Variants in CDH12 observed in about 807,000 individuals in gnomAD.
CDH12 encodes cadherin-12.
A neutral mutation model predicts 74.1 loss-of-function variants in CDH12; 41 were observed. The ratio of observed to expected loss-of-function variants is 0.55; its 90% CI spans 0.43 to 0.72. CDH12 has a LOEUF of 0.72. Ranked by LOEUF, CDH12 falls within the 30% of genes least tolerant of loss-of-function variation. CDH12 has a pLI of 0.00. For missense variants in CDH12, 945 were observed against 977.2 expected, an observed-to-expected ratio of 0.97 and a Z score of 0.44; for synonymous variants, 399 against 355.0, an observed-to-expected ratio of 1.12 and a Z score of -1.39.
chr5:21,874,619 T>C (rs1751830755), intron 6 of CDH12, among the ~76,000 whole-genome samples: 1 of 152,174 alleles, frequency 6.6e-6, no homozygotes, highest in Non-Finnish European at 1.5e-5. Context: ...GTTTTCACTC[T>C]ATTAAATCTT....
intron 4 of CDH12, among the ~76,000 whole-genome samples, chr5:22,120,372 C>T (rs1377896348): frequency 6.6e-6 from 1 of 152,014 alleles, no homozygotes; most frequent in Admixed American, 6.6e-5. Flanking sequence ...GAATAAAGGA[C>T]AAACATTATG....
intron 14 of CDH12, among the ~76,000 whole-genome samples, chr5:21,754,862 G>C (rs1339388871): frequency 3.9e-5 from 6 of 152,122 alleles, no homozygotes; most frequent in Admixed American, 3.9e-4. Flanking sequence ...AATAAATGGA[G>C]AAGCTGAACA....
chr5:21,947,987 T>A (rs1580003359), intron 6 of CDH12, among the ~76,000 whole-genome samples: 1 of 152,168 alleles, frequency 6.6e-6, no homozygotes, highest in African/African-American at 2.4e-5. Context: ...GAGGATTCCA[T>A]ATGATGTTGG....
chr5:22,841,325 C>A (rs1737071140), intron 1 of CDH12, among the ~76,000 whole-genome samples: 1 of 152,136 alleles, frequency 6.6e-6, no homozygotes, highest in South Asian at 2.1e-4. Flanking sequence ...GATTGAGAGA[C>A]TTCACCTTGA....
intron 1 of CDH12, among the ~76,000 whole-genome samples, chr5:22,690,606 G>T (rs1472536652): frequency 6.6e-6 from 1 of 152,088 alleles, no homozygotes; most frequent in Non-Finnish European, 1.5e-5. Flanking sequence ...GAACAGTGTG[G>T]CAGGAAGATA....
chr5:22,050,926 A>G (rs1740312849), intron 5 of CDH12, among the ~76,000 whole-genome samples: 1 of 152,162 alleles, frequency 6.6e-6, no homozygotes, highest in African/African-American at 2.4e-5. Context: ...TTAAGCTCTG[A>G]TGTTTCTCAA....
At chr5:22,647,989 C>T (rs893906670) in intron 1 of CDH12, among the ~76,000 whole-genome samples, 2 of 151,768 alleles carry the variant, frequency 1.3e-5, no homozygotes, top group African/African-American at 2.4e-5. Flanking sequence ...TCTTATTAAT[C>T]AGCTTTTGGA....
At chr5:22,344,018 A>G (rs552400869) in intron 3 of CDH12, among the ~76,000 whole-genome samples, 2 of 152,338 alleles carry the variant, frequency 1.3e-5, no homozygotes, top group South Asian at 2.1e-4. Flanking sequence ...ATAGGCAACT[A>G]TAAGAAATCA....
chr5:21,884,783 GTAT>G (rs369289719), intron 6 of CDH12, among the ~76,000 whole-genome samples: 333 of 152,242 alleles, frequency 2.2e-3, no homozygotes, highest in Non-Finnish European at 3.6e-3. Context: ...AAAAAGTGAT[GTAT>G]TAGACAACAT....
chr5:22,731,956 A>G lies in CDH12; in HGVS notation c.-523+121102T>C, dbSNP rs959908619. Reference sequence around the variant, plus strand: ...AAGACATTTGCCTAAATACATAGCAACAATAATGAAGGAAAACAAAAAGAA... The same window carrying G: ...AAGACATTTGCCTAAATACATAGCAGCAATAATGAAGGAAAACAAAAAGAA... On this transcript the variant is annotated intron_variant, in intron 1 of 14. Coordinates refer to ENST00000382254, the MANE Select transcript of CDH12 (RefSeq NM_004061.5). Among the ~76,000 whole-genome samples, 33 of 151,910 alleles carry G rather than the reference A, an allele frequency of 2.2e-4. 1 individual carries two copies. In the South Asian group the frequency reaches 3.3e-3, roughly 15 times the overall value.
intron 12 of CDH12, 25 bp from the exon 13 acceptor site, chr5:21,760,700 C>A: frequency 7.3e-7 from 1 of 1,368,596 alleles, no homozygotes; most frequent in South Asian, 1.2e-5. Context: ...AGATTAAAGT[C>A]GGTCATCAGT....
At chr5:22,049,077 T>A (rs1740165195) in intron 5 of CDH12, among the ~76,000 whole-genome samples, 1 of 152,142 alleles carries the variant, frequency 6.6e-6, no homozygotes, top group Admixed American at 6.6e-5. Context: ...CATATAATCT[T>A]ATTACAGTGT....
chr5:22,259,437 C>G (rs950619397), intron 3 of CDH12, among the ~76,000 whole-genome samples: 7 of 151,994 alleles, frequency 4.6e-5, no homozygotes, highest in Admixed American at 3.9e-4. Flanking sequence ...CTGGTATAAA[C>G]CATCATAGCT....
At chr5:22,392,832 G>C (rs1255892770) in intron 3 of CDH12, among the ~76,000 whole-genome samples, 2 of 152,124 alleles carry the variant, frequency 1.3e-5, no homozygotes, top group Non-Finnish European at 2.9e-5. Context: ...GTATAGTGGA[G>C]AGATTGCTTG....
chr5:21,800,790 A>G (rs1192239475), intron 10 of CDH12, among the ~76,000 whole-genome samples: 1 of 152,148 alleles, frequency 6.6e-6, no homozygotes, highest in Non-Finnish European at 1.5e-5. Flanking sequence ...TGCTTTGCTC[A>G]TGATAGTGAG....
chr5:22,573,746 A>G (rs1039053443), intron 1 of CDH12, among the ~76,000 whole-genome samples: 3 of 152,096 alleles, frequency 2.0e-5, no homozygotes, highest in African/African-American at 4.8e-5. Context: ...ATACTTGGTT[A>G]ACAAAGTATT....
chr5:22,585,269 C>T (rs551350871), intron 1 of CDH12, among the ~76,000 whole-genome samples: 25 of 152,202 alleles, frequency 1.6e-4, no homozygotes, highest in African/African-American at 6.0e-4. Flanking sequence ...AAAAGATCAG[C>T]GTAACCGCCA....
At chr5:22,310,822 A>G (rs1738357720) in intron 3 of CDH12, among the ~76,000 whole-genome samples, 1 of 152,174 alleles carries the variant, frequency 6.6e-6, no homozygotes, top group African/African-American at 2.4e-5. Context: ...GATCATATTG[A>G]AATGTGCTGT....
intron 2 of CDH12, among the ~76,000 whole-genome samples, chr5:22,417,861 A>C (rs2126488573): frequency 6.6e-6 from 1 of 152,092 alleles, no homozygotes; most frequent in African/African-American, 2.4e-5. Flanking sequence ...ACGGACTCTT[A>C]AAATCCATAC....
Sources: allele counts gnomAD v4.1 joint callset (sites outside exome capture counted in the v4.1 genomes callset), GRCh38; gene constraint gnomAD v4.1.1; transcripts MANE v1.5; gene names NCBI Gene and HGNC (gene_info 2026-07-23, HGNC 2026-07-21).